Variants in TNRC18 observed in about 807,000 individuals in gnomAD.
TNRC18 encodes trinucleotide repeat-containing gene 18 protein.
In TNRC18, 69 loss-of-function variants were observed where a neutral mutation model predicts 226.7. That is an observed-to-expected ratio of 0.30 (90% CI 0.25 to 0.37). TNRC18 has a LOEUF of 0.37. Among genes scored for constraint, TNRC18 ranks in the 10% least tolerant of loss-of-function variants. The probability of loss-of-function intolerance (pLI) is 1.00; values close to 1 mark genes in which losing one functional copy is unlikely to be tolerated. For missense variants in TNRC18, 4,754 were observed against 4,256.6 expected, an observed-to-expected ratio of 1.12 and a Z score of -3.25; for synonymous variants, 2,449 against 1,927.6, an observed-to-expected ratio of 1.27 and a Z score of -7.09.
Position 5,389,083 on chromosome 7 carries a change from G to A in TNRC18, c.741C>T (p.Ala247=). The A allele has an allele frequency of 3.1e-6, 4 of 1,280,126 alleles. No homozygotes were observed. Among genetic ancestry groups the A allele is most frequent in the South Asian group, 2.0e-5 (1 of 51,222 alleles). 79.3% of individuals were successfully genotyped at this position (1,280,126 alleles called of 1,614,324 possible). The change falls in exon 5 of 30, where the codon GCC becomes GCT. Residue 247 remains alanine, a synonymous_variant. Coordinates refer to ENST00000430969, the MANE Select transcript of TNRC18 (RefSeq NM_001080495.3). ...GVVDLTQEAR[A]EGRQDRGPPR... is the part of the protein sequence containing the mutation. The stretch of plus-strand genomic sequence containing the variant: ...GGGGCCCCCGGTCCTGGCGGCCCTC[G>A]GCGCGCGCCTCCTGGGTCAGGTCCA...
chr7:5,385,982 C>CAAAAAAAAAAAAAA (rs1160231238), intron 5 of TNRC18, among the ~76,000 whole-genome samples: 1 of 41,524 alleles, frequency 2.4e-5, no homozygotes, highest in African/African-American at 8.1e-5. Flanking sequence ...AAGTCTGTCT[C>CAAAAAAAAAAAAAA]AAAAAAAAAA....
chr7:5,312,421 G>A lies in TNRC18; in HGVS notation c.8388+82C>T. ...GTTCTGGGAGGTTACCACACACGGA[G>A]ACACAGCATGAAGCCGTGGGCCCAG... On this transcript the variant is annotated intron_variant, in intron 27 of 29. Transcript: ENST00000430969. This position sits in a 1 kb window ranked among gnomAD's most constrained non-coding sequence, Gnocchi z 6.3. The A allele has an allele frequency of 6.6e-7, 1 of 1,526,498 alleles. No homozygotes were observed. Among genetic ancestry groups the A allele is most frequent in the South Asian group, 1.2e-5 (1 of 80,828 alleles). 94.6% of individuals were successfully genotyped at this position (1,526,498 alleles called of 1,614,324 possible).
At chr7:5,357,613 G>C (rs1792583742) in intron 15 of TNRC18, among the ~76,000 whole-genome samples, 1 of 152,104 alleles carries the variant, frequency 6.6e-6, no homozygotes, top group African/African-American at 2.4e-5. Context: ...TTTTCTGGTA[G>C]CTGGGAATAC....
intron 18 of TNRC18, among the ~76,000 whole-genome samples, chr7:5,341,224 C>T (rs1256247671): frequency 6.7e-6 from 1 of 149,340 alleles, no homozygotes; most frequent in African/African-American, 2.5e-5. Context: ...ATCCTGGCTA[C>T]CACAGTGAAA....
At chr7:5,346,546 C>T (rs992165937) in intron 17 of TNRC18, among the ~76,000 whole-genome samples, 4 of 152,204 alleles carry the variant, frequency 2.6e-5, no homozygotes, top group South Asian at 2.1e-4. Context: ...CAGTGGCTCA[C>T]GCCTGTAATC....
chr7:5,329,682 CAAAAAA>C (rs10628315), intron 19 of TNRC18, among the ~76,000 whole-genome samples: 1 of 45,766 alleles, frequency 2.2e-5, no homozygotes, highest in Admixed American at 4.1e-4. Flanking sequence ...GACTCCGTCT[CAAAAAA>C]AAAAAAAAAA....
rs1190338906 is a variant in TNRC18 at position 5,359,311 on chromosome 7, G to A, written c.4833+87C>T. On this transcript the variant is annotated intron_variant, in intron 15 of 29. Transcript: ENST00000430969. ...CTAAGGTTTCTGTACAGGAACAAAG[G>A]GCCTGCGAAGGGAGCGTGAACTCTT... 31 of 1,369,236 alleles carry A rather than the reference G, an allele frequency of 2.3e-5. No individual in the cohort carries two copies. In the South Asian group the frequency reaches 3.1e-4, roughly 14 times the overall value. 84.8% of individuals were successfully genotyped at this position (1,369,236 alleles called of 1,614,324 possible).
At chr7:5,398,285 C>T (rs2128206465) in intron 2 of TNRC18, among the ~76,000 whole-genome samples, 1 of 152,296 alleles carries the variant, frequency 6.6e-6, no homozygotes, top group East Asian at 1.9e-4. Flanking sequence ...TTTCTCCTGC[C>T]TCAGCCTCCC....
At chr7:5,381,426 A>G (rs1240180231) in intron 5 of TNRC18, among the ~76,000 whole-genome samples, 2 of 151,830 alleles carry the variant, frequency 1.3e-5, no homozygotes, top group Admixed American at 1.3e-4. Flanking sequence ...CACCACCTGG[A>G]CCTCCACCAT....
chr7:5,362,257 G>C (rs1196686826), intron 12 of TNRC18, among the ~76,000 whole-genome samples: 1 of 152,156 alleles, frequency 6.6e-6, no homozygotes, highest in African/African-American at 2.4e-5. Context: ...TGTCATGCCT[G>C]AAGCACAGTG....
Position 5,388,977 on chromosome 7 carries a change from T to G in TNRC18, c.847A>C (p.Met283Leu). Residue 283 changes from methionine to leucine, a missense_variant, in exon 5 of 30, where the codon ATG (methionine) becomes CTG (leucine). Physicochemically the swap from Met to Leu is conservative, Grantham distance 15 (BLOSUM62 2). Coordinates refer to ENST00000430969, the MANE Select transcript of TNRC18 (RefSeq NM_001080495.3). The part of the protein sequence containing the change: ...NAALQPSVLT[M>L]CNGGAGDVGL... ...ACGTCCCCGGCGCCGCCGTTGCACA[T>G]GGTCAGTACCGACGGCTGCAGCGCC... 1 of 1,388,490 alleles carries G rather than the reference T, an allele frequency of 7.2e-7. No homozygotes were observed. The highest frequency in any genetic ancestry group is 9.4e-7 in the Non-Finnish European group (1 of 1,065,290). The allele number at this position is 1,388,490 out of a possible 1,614,324, so 86.0% of individuals were successfully genotyped here.
chr7:5,416,311 A>T (rs1316805522), intron 2 of TNRC18, among the ~76,000 whole-genome samples: 1 of 150,880 alleles, frequency 6.6e-6, no homozygotes, highest in African/African-American at 2.4e-5. Flanking sequence ...GCTACTCGGG[A>T]GGCTGAGGCA....
chr7:5,347,642 G>A (rs949212043), intron 17 of TNRC18, among the ~76,000 whole-genome samples: 1 of 152,000 alleles, frequency 6.6e-6, no homozygotes, highest in Non-Finnish European at 1.5e-5. Flanking sequence ...TCCAGCCTGG[G>A]TGACAGAGCG....
At chr7:5,398,054 G>A (rs1780817469) in intron 2 of TNRC18, among the ~76,000 whole-genome samples, 1 of 152,116 alleles carries the variant, frequency 6.6e-6, no homozygotes. Context: ...AGGCTGCAGT[G>A]CAGTGGCTCG....
At chr7:5,368,592 G>A (rs927173484) in intron 11 of TNRC18, among the ~76,000 whole-genome samples, 3 of 148,774 alleles carry the variant, frequency 2.0e-5, no homozygotes, top group East Asian at 2.0e-4. Context: ...TTGAACCTGG[G>A]AGGCGGAAGT....
intron 5 of TNRC18, among the ~76,000 whole-genome samples, chr7:5,383,151 C>T (rs1009985777): frequency 6.6e-6 from 1 of 152,210 alleles, no homozygotes; most frequent in African/African-American, 2.4e-5. Context: ...GATCTGCCCA[C>T]CTTGGCCTCC....
chr7:5,332,544 G>A, intron 19 of TNRC18, 78 bp downstream of exon 19: 1 of 1,424,502 alleles, frequency 7.0e-7, no homozygotes. Context: ...GCTTCCCTAG[G>A]CTGGGAGGGG....
Position 5,388,931 on chromosome 7 carries a change from G to A in TNRC18, c.893C>T (p.Ala298Val), listed in dbSNP as rs1780048719. The change falls in exon 5 of 30, where the codon GCC becomes GTC. Residue 298 changes from alanine (A) to valine (V), a missense_variant. Ala to Val is a moderately conservative substitution (Grantham distance 64). Coordinates refer to ENST00000430969, the MANE Select transcript of TNRC18 (RefSeq NM_001080495.3). Reference sequence around the variant, plus strand: ...CTTGGCACCCCCGCGCCCCGCTTCGGCCACCAGCGCGGGCAGCCCCACGTC... The same window carrying A: ...CTTGGCACCCCCGCGCCCCGCTTCGACCACCAGCGCGGGCAGCCCCACGTC... ...AGDVGLPALV[A>V]EAGRGGAKEA... 4 of 1,378,772 alleles carry A rather than the reference G, an allele frequency of 2.9e-6. No homozygotes were observed. The highest frequency in any genetic ancestry group is 3.8e-5 in the East Asian group (1 of 26,508). 85.4% of individuals were successfully genotyped at this position (1,378,772 alleles called of 1,614,324 possible).
intron 2 of TNRC18, among the ~76,000 whole-genome samples, chr7:5,413,772 A>T (rs1258260606): frequency 1.3e-5 from 2 of 152,212 alleles, no homozygotes; most frequent in African/African-American, 4.8e-5. Context: ...GCCTCAAGCG[A>T]TCCACCCGCC....
Sources: gnomAD v4.1 joint callset for allele counts (sites outside exome capture counted in the v4.1 genomes callset) on GRCh38, gnomAD v4.1.1 for gene constraint, Gnocchi (gnomAD v3.1) non-coding constraint, MANE v1.5 for transcripts, NCBI Gene and HGNC (gene_info 2026-07-23, HGNC 2026-07-21) for gene names.